The following L3MBTL3 variants were observed in gnomAD, a reference collection of about 807,000 sequenced individuals.
The protein encoded by L3MBTL3 is L3MBTL histone methyl-lysine binding protein 3.
L3MBTL3 carries 27 observed loss-of-function variants against 102.3 expected under a neutral mutation model. The observed-to-expected ratio is 0.26, with a 90% CI of 0.19 to 0.36. The LOEUF (loss-of-function observed/expected upper bound fraction) is 0.36. L3MBTL3 is among the 10% of genes least tolerant of loss of function. The probability of loss-of-function intolerance (pLI) is 1.00; values close to 1 mark genes in which losing one functional copy is unlikely to be tolerated. For missense variants in L3MBTL3, 798 were observed against 955.3 expected (o/e 0.84, Z 2.17); for synonymous variants, 340 against 320.9 (o/e 1.06, Z -0.64).
chr6:130,051,925 A>G (rs1310815942), intron 6 of L3MBTL3, among the ~76,000 whole-genome samples: 2 of 152,178 alleles, frequency 1.3e-5, no homozygotes, highest in African/African-American at 4.8e-5. Context: ...CAGAGGCATC[A>G]GCTGTAACTG....
chr6:130,118,600 A>G (rs773938514), intron 19 of L3MBTL3, among the ~76,000 whole-genome samples: 23 of 152,242 alleles, frequency 1.5e-4, no homozygotes, highest in Non-Finnish European at 3.1e-4. Flanking sequence ...TGCAGAATCA[A>G]TACATTAACC....
In L3MBTL3 at chr6:130,070,213, T is replaced by G. The variant is rs376618917; in HGVS notation, c.1093-763T>G. Among the ~76,000 whole-genome samples, 65 of 152,318 alleles carry G rather than the reference T, an allele frequency of 4.3e-4. 1 individual carries two copies. The South Asian group carries it at 0.011, about 26-fold the overall frequency. On this transcript the variant is annotated intron_variant, in intron 12 of 22. Coordinates refer to ENST00000361794, the MANE Select transcript of L3MBTL3 (RefSeq NM_032438.4). Reference sequence around the variant, plus strand: ...TATACTAGTCTATAATATGTAGAGATAGATAGATTAAGATATTATTCCTCA... The same window carrying G: ...TATACTAGTCTATAATATGTAGAGAGAGATAGATTAAGATATTATTCCTCA...
At chr6:130,115,264 TC>T (rs1190199501) in intron 19 of L3MBTL3, among the ~76,000 whole-genome samples, 1 of 152,128 alleles carries the variant, frequency 6.6e-6, no homozygotes, top group Non-Finnish European at 1.5e-5. Context: ...GAGTGAACTT[TC>T]ACACTTGAGC....
intron 19 of L3MBTL3, among the ~76,000 whole-genome samples, chr6:130,113,139 C>T (rs1473960847): frequency 6.6e-6 from 1 of 152,142 alleles, no homozygotes; most frequent in Non-Finnish European, 1.5e-5. Flanking sequence ...GGGTCTCAAA[C>T]TTTGATTTGC....
In L3MBTL3 at chr6:130,019,009, T is replaced by TG. The variant is rs1022867331; in HGVS notation, c.-95+351dup. Among the ~76,000 whole-genome samples the TG allele has an allele frequency of 2.2e-4, 32 of 143,410 alleles. 1 individual carries two copies. The highest frequency in any genetic ancestry group is 4.4e-4 in the Non-Finnish European group (29 of 65,544). The allele number at this position is 143,410 out of a possible 152,430, so 94.1% of individuals were successfully genotyped here. A position where few individuals can be genotyped will look rare whatever the true frequency, so the allele number is the denominator to read the frequency against. On this transcript the variant is annotated intron_variant, in intron 1 of 22. Coordinates refer to ENST00000361794, the MANE Select transcript of L3MBTL3 (RefSeq NM_032438.4). ...GAGAGAGAAAAGAGAAAGGAAAAAA[T>TG]GGGGGGAGGAGAGACTTGTATTTTT...
At position 130,083,610 on chromosome 6, in the gene L3MBTL3, T is replaced by C. The variant is rs1221820465; in HGVS notation, c.1322-10T>C. 7.4e-7 allele frequency: 1 copy of C among 1,345,034 alleles called. No individual in the cohort carries two copies. The highest frequency in any genetic ancestry group is 1.5e-5 in the African/African-American group (1 of 65,978). The allele number at this position is 1,345,034 out of a possible 1,614,324, so 83.3% of individuals were successfully genotyped here. The stretch of plus-strand genomic sequence containing the variant: ...TTAAACCTCATAGGATTTACATTTT[T>C]CTTTCTTAGGTTATCCAAATGTGAA... On this transcript the variant is annotated splice_polypyrimidine_tract_variant and intron_variant, in intron 14 of 22. Transcript: ENST00000361794.
intron 18 of L3MBTL3, among the ~76,000 whole-genome samples, chr6:130,101,579 G>T (rs575312873): frequency 2.0e-5 from 3 of 152,172 alleles, no homozygotes; most frequent in Non-Finnish European, 4.4e-5. Context: ...CCTTGCGATT[G>T]CAGCCTCCAT....
At chr6:130,078,221 G>T (rs1394446902) in intron 13 of L3MBTL3, among the ~76,000 whole-genome samples, 1 of 152,086 alleles carries the variant, frequency 6.6e-6, no homozygotes, top group African/African-American at 2.4e-5. Context: ...CACAGTCTAA[G>T]TTTATTGTTC....
intron 3 of L3MBTL3, among the ~76,000 whole-genome samples, chr6:130,043,630 C>T (rs754074589): frequency 7.2e-5 from 11 of 152,178 alleles, no homozygotes; most frequent in Non-Finnish European, 1.6e-4. Flanking sequence ...TCACATCTCC[C>T]CAACAGGCCA....
At chr6:130,063,214 C>A (rs778947152) in intron 10 of L3MBTL3, among the ~76,000 whole-genome samples, 3 of 152,026 alleles carry the variant, frequency 2.0e-5, no homozygotes, top group African/African-American at 4.8e-5. Context: ...AAGTAGGGCT[C>A]GTGGATACAG....
At chr6:130,079,150 G>A (rs531805405) in intron 14 of L3MBTL3, among the ~76,000 whole-genome samples, 1 of 152,324 alleles carries the variant, frequency 6.6e-6, no homozygotes, top group African/African-American at 2.4e-5. Context: ...GTCAGCATCA[G>A]TCCTCACAGA....
chr6:130,068,169 CAT>C (rs767016084), intron 11 of L3MBTL3, among the ~76,000 whole-genome samples, 159 bp from the exon 12 acceptor site: 13 of 152,072 alleles, frequency 8.5e-5, no homozygotes, highest in African/African-American at 1.2e-4. Context: ...TGAAAATAAA[CAT>C]AGTCTAAATA....
Position 130,133,572 on chromosome 6 carries a change from C to T in L3MBTL3, c.2087C>T (p.Thr696Ile). Reference sequence around the variant, plus strand: ...GAGCAGCAAAGCAAACTTCTTCCAACTGTCGCAGGAATCCCTGCCAGTAAA... The same window carrying T: ...GAGCAGCAAAGCAAACTTCTTCCAATTGTCGCAGGAATCCCTGCCAGTAAA... Reference protein sequence around the residue: ...RWEQQSKLLPTVAGIPASKVS... With the variant: ...RWEQQSKLLPIVAGIPASKVS... The change falls in exon 21 of 23, where the codon ACT (threonine) becomes ATT (isoleucine). Residue 696 changes from threonine (T) to isoleucine (I), a missense_variant. Thr to Ile is a moderately conservative substitution (Grantham distance 89). Coordinates refer to ENST00000361794, the MANE Select transcript of L3MBTL3 (RefSeq NM_032438.4). This position sits in a 1 kb window ranked among gnomAD's most constrained non-coding sequence, Gnocchi z 4.9. 6.2e-7 allele frequency: 1 copy of T among 1,614,092 alleles called. No individual in the cohort carries two copies. The highest frequency in any genetic ancestry group is 8.5e-7 in the Non-Finnish European group (1 of 1,179,998).
intron 17 of L3MBTL3, 102 bp downstream of exon 17, chr6:130,092,961 A>G: frequency 1.5e-6 from 1 of 680,172 alleles, no homozygotes; most frequent in South Asian, 1.8e-5. Context: ...CTCTCTACTG[A>G]TGTTTCTTCT....
chr6:130,028,327 C>G (rs1289183772), intron 2 of L3MBTL3, among the ~76,000 whole-genome samples: 1 of 152,104 alleles, frequency 6.6e-6, no homozygotes, highest in African/African-American at 2.4e-5. Flanking sequence ...TAAAATATGA[C>G]TAGCTGATAA....
chr6:130,132,129 A>G (rs79094657), intron 20 of L3MBTL3, among the ~76,000 whole-genome samples: 3,703 of 152,290 alleles, frequency 0.024, 160 homozygotes, highest in African/African-American at 0.084. Context: ...CTCATTGTTC[A>G]TGATCTCCAA....
intron 20 of L3MBTL3, among the ~76,000 whole-genome samples, chr6:130,123,368 G>GT (rs1010515595): frequency 4.6e-5 from 7 of 151,508 alleles, no homozygotes; most frequent in African/African-American, 1.2e-4. Context: ...TATTTTTATT[G>GT]TTTTTTTACC....
At chr6:130,078,443 T>C (rs920535547) in intron 13 of L3MBTL3, 115 bp from the exon 14 acceptor site, 2 of 639,482 alleles carry the variant, frequency 3.1e-6, no homozygotes, top group Non-Finnish European at 5.4e-6. Flanking sequence ...TTAGATTGAT[T>C]GTAATAAATA....
intron 13 of L3MBTL3, among the ~76,000 whole-genome samples, chr6:130,072,773 AT>A (rs367908801): frequency 3.3e-5 from 5 of 152,308 alleles, no homozygotes; most frequent in Admixed American, 6.5e-5. Context: ...ATTTTTAAAA[AT>A]ATAATAATAA....
Sources: allele counts gnomAD v4.1 joint callset (sites outside exome capture counted in the v4.1 genomes callset), GRCh38; gene constraint gnomAD v4.1.1; non-coding constraint Gnocchi (gnomAD v3.1); transcripts MANE v1.5; gene names NCBI Gene and HGNC (gene_info 2026-07-23, HGNC 2026-07-21).